The following RPTOR variants were observed in gnomAD, a reference collection of about 807,000 sequenced individuals.
RPTOR encodes the protein regulatory-associated protein of mTOR.
A neutral mutation model predicts 169.9 loss-of-function variants in RPTOR; 21 were observed. The ratio of observed to expected loss-of-function variants is 0.12; its 90% CI spans 0.09 to 0.18. The LOEUF is 0.18. Ranked by LOEUF, RPTOR falls within the 10% of genes least tolerant of loss-of-function variation. The pLI, the probability that RPTOR is intolerant of heterozygous loss-of-function variation, is 1.00. For synonymous variants in RPTOR, 732 were observed against 753.2 expected (o/e 0.97, Z 0.46); for missense variants, 1,133 against 1,855.9 (o/e 0.61, Z 7.16).
chr17:80,823,359 C>CTTTT lies in RPTOR; in HGVS notation c.1136+137_1136+138insTTTT. On this transcript the variant is annotated intron_variant, in intron 9 of 33. Coordinates refer to ENST00000306801, the MANE Select transcript of RPTOR (RefSeq NM_020761.3). This position sits in a 1 kb window ranked among gnomAD's most constrained non-coding sequence, Gnocchi z 4.5. Reference sequence around the variant, plus strand: ...CCCCGTGTAGCATTAACAAGTGAAGCTAAATGCAGGGCTCCCAGAGATCTC... The same window carrying CTTTT: ...CCCCGTGTAGCATTAACAAGTGAAGCTTTTTAAATGCAGGGCTCCCAGAGATCTC... 1.1e-6 allele frequency: 1 copy of CTTTT among 911,112 alleles called. No individual in the cohort carries two copies. The allele number at this position is 911,112 out of a possible 1,614,324, so 56.4% of individuals were successfully genotyped here. A position where few individuals can be genotyped will look rare whatever the true frequency, so the allele number is the denominator to read the frequency against.
rs183295843 is a variant in RPTOR at position 80,963,400 on chromosome 17, C to G, written c.3939+343C>G. On this transcript the variant is annotated intron_variant, in intron 33 of 33. Coordinates refer to ENST00000306801, the MANE Select transcript of RPTOR (RefSeq NM_020761.3). ...TCCCTGTGCGGCCCTCACCCCGTCC[C>G]CTGTGCGGCCCTCACCCCGTCCCCT... Among the ~76,000 whole-genome samples, 1,167 of 149,522 alleles carry G rather than the reference C, an allele frequency of 7.8e-3. 24 individuals are homozygous for G. Among genetic ancestry groups the G allele is most frequent in the African/African-American group, 0.028 (1,099 of 39,940 alleles).
At chr17:80,921,454 C>T (rs1372771181) in intron 21 of RPTOR, among the ~76,000 whole-genome samples, 1 of 152,234 alleles carries the variant, frequency 6.6e-6, no homozygotes, top group Non-Finnish European at 1.5e-5. Context: ...ACAAAACCAC[C>T]CCGAAGCACC....
intron 1 of RPTOR, among the ~76,000 whole-genome samples, chr17:80,546,734 A>C (rs2084279765): frequency 1.3e-5 from 2 of 152,246 alleles, no homozygotes; most frequent in Non-Finnish European, 2.9e-5. Flanking sequence ...ATTGTTTTTT[A>C]GTATATGATG....
In RPTOR at chr17:80,861,268, G is replaced by A. The variant is rs2067914260; in HGVS notation, c.1509+3368G>A. Among the ~76,000 whole-genome samples, 4 of 144,436 alleles carry A rather than the reference G, an allele frequency of 2.8e-5. 1 individual carries two copies. Among genetic ancestry groups the A allele is most frequent in the Admixed American group, 2.1e-4 (3 of 14,588 alleles). The allele number at this position is 144,436 out of a possible 152,430, so 94.8% of individuals were successfully genotyped here. ...CCTTCAGCCACAGTTCCAGAGCTCA[G>A]AACCAGGACGTGGAAAACTGCTGTG... On this transcript the variant is annotated intron_variant, in intron 13 of 33. Transcript: ENST00000306801. This position sits in a 1 kb window ranked among gnomAD's most constrained non-coding sequence, Gnocchi z 4.5.
chr17:80,567,864 A>G (rs1263717600), intron 1 of RPTOR, among the ~76,000 whole-genome samples: 1 of 151,812 alleles, frequency 6.6e-6, no homozygotes, highest in Non-Finnish European at 1.5e-5. Context: ...AAATTTTAAA[A>G]TAAGAATATC....
At position 80,810,923 on chromosome 17, in the gene RPTOR, A is replaced by G. The variant is rs191433387; in HGVS notation, c.891-11278A>G. On this transcript the variant is annotated intron_variant, in intron 7 of 33. Transcript: ENST00000306801. ...AAATGTAATTGATTTTTGCATAGTG[A>G]CCTCATTTCCTCTAACTTTGCTACA... Among the ~76,000 whole-genome samples the G allele has an allele frequency of 1.2e-4, 19 of 152,318 alleles. No individual in the cohort carries two copies. In the East Asian group the frequency reaches 3.7e-3, roughly 29 times the overall value.
chr17:80,624,903 G>T (rs1403145440), intron 1 of RPTOR, among the ~76,000 whole-genome samples: 2 of 152,182 alleles, frequency 1.3e-5, no homozygotes, highest in Non-Finnish European at 2.9e-5. Flanking sequence ...TCTGCCGGGA[G>T]GAAAGGACAG....
chr17:80,588,936 T>C (rs992272221), intron 1 of RPTOR, among the ~76,000 whole-genome samples: 14 of 152,236 alleles, frequency 9.2e-5, no homozygotes, highest in Non-Finnish European at 1.2e-4. Context: ...GTAAGTGCTT[T>C]CCCTGTGTTT....
intron 1 of RPTOR, among the ~76,000 whole-genome samples, chr17:80,561,276 T>C (rs182865836): frequency 0.042 from 2,988 of 70,744 alleles, 151 homozygotes; most frequent in African/African-American, 0.11. Context: ...TATATATATA[T>C]ATATATATAT....
chr17:80,930,367 C>T (rs1445986541), intron 24 of RPTOR, among the ~76,000 whole-genome samples: 29 of 96,250 alleles, frequency 3.0e-4, no homozygotes, highest in East Asian at 3.8e-4. Context: ...AGCTCATCCT[C>T]AGCTCATCCC....
chr17:80,847,225 G>A (rs536892195), intron 11 of RPTOR, among the ~76,000 whole-genome samples: 137 of 152,388 alleles, frequency 9.0e-4, no homozygotes, highest in African/African-American at 3.1e-3. Flanking sequence ...CACGGGGCCC[G>A]TGTCATGTCA....
chr17:80,960,138 C>G lies in RPTOR; in HGVS notation c.3538C>G (p.Leu1180Val). The change falls in exon 30 of 34, where the codon CTC (leucine) becomes GTC (valine). Residue 1180 changes from leucine (L) to valine (V), a missense_variant. Transcript: ENST00000306801. The surrounding 1 kb of genome is among the most constrained non-coding windows in gnomAD (Gnocchi z 4.8). ...TSLSCDSHRS[L>V]IVAGLGDGSI... ...TCTGTCCTGTGATTCCCACCGCTCACTCATCGTGGCTGGCCTCGGTGACGG... is the reference window on the plus strand; with the variant it reads ...TCTGTCCTGTGATTCCCACCGCTCAGTCATCGTGGCTGGCCTCGGTGACGG... 1 of 1,613,738 alleles carries G rather than the reference C, an allele frequency of 6.2e-7. No homozygotes were observed. The highest frequency in any genetic ancestry group is 8.5e-7 in the Non-Finnish European group (1 of 1,180,018).
intron 1 of RPTOR, among the ~76,000 whole-genome samples, chr17:80,574,158 CTT>C (rs554064785): frequency 5.4e-5 from 7 of 129,298 alleles, no homozygotes; most frequent in Admixed American, 7.6e-5. Flanking sequence ...TTTCTTTTTT[CTT>C]TTTTTTTTTT....
At chr17:80,593,102 C>G (rs2065119329) in intron 1 of RPTOR, 2 of 152,282 alleles carry the variant, frequency 1.3e-5, no homozygotes, top group Admixed American at 1.3e-4. Context: ...CGGGAGGGGC[C>G]TGTTGGTTTT....
intron 1 of RPTOR, among the ~76,000 whole-genome samples, chr17:80,618,305 A>G (rs141974573): frequency 6.6e-6 from 1 of 152,326 alleles, no homozygotes; most frequent in East Asian, 1.9e-4. Flanking sequence ...TGCAGTTTCT[A>G]TAATAAACTT....
intron 23 of RPTOR, 177 bp downstream of exon 23, chr17:80,923,850 T>A: frequency 1.5e-6 from 1 of 663,494 alleles, no homozygotes; most frequent in South Asian, 2.0e-5. Flanking sequence ...TGGTCCTCAC[T>A]CGTGCACCCC....
At chr17:80,921,610 C>G (rs2068745984) in intron 21 of RPTOR, among the ~76,000 whole-genome samples, 1 of 152,252 alleles carries the variant, frequency 6.6e-6, no homozygotes, top group South Asian at 2.1e-4. Context: ...CCTCTTGCCT[C>G]CTGAATGCCA....
Position 80,964,401 on chromosome 17 carries a change from G to C in RPTOR, c.*71G>C. On this transcript the variant is annotated 3_prime_UTR_variant, in exon 34 of 34. Transcript: ENST00000306801. The stretch of plus-strand genomic sequence containing the variant: ...GTGAAGCTGTCACTCGCCGGGGCAC[G>C]GGGCGTCGGCTGCTGCGGCCCCGCA... The C allele has an allele frequency of 1.3e-6, 2 of 1,504,444 alleles. No homozygotes were observed. Among genetic ancestry groups the C allele is most frequent in the Non-Finnish European group, 1.8e-6 (2 of 1,095,054 alleles). The allele number at this position is 1,504,444 out of a possible 1,614,324, so 93.2% of individuals were successfully genotyped here.
At chr17:80,904,302 G>C (rs2068514131) in intron 20 of RPTOR, among the ~76,000 whole-genome samples, 1 of 152,216 alleles carries the variant, frequency 6.6e-6, no homozygotes, top group Non-Finnish European at 1.5e-5. Flanking sequence ...GAGGGTCTTG[G>C]CCATCACAGA....
Sources: gnomAD v4.1 joint callset for allele counts (sites outside exome capture counted in the v4.1 genomes callset) on GRCh38, gnomAD v4.1.1 for gene constraint, Gnocchi (gnomAD v3.1) non-coding constraint, MANE v1.5 for transcripts, NCBI Gene and HGNC (gene_info 2026-07-23, HGNC 2026-07-21) for gene names.